Variants in PDGFC observed in about 807,000 individuals in gnomAD.
PDGFC encodes platelet-derived growth factor C.
In PDGFC, 12 loss-of-function variants were observed where a neutral mutation model predicts 35.5. The observed-to-expected ratio is 0.34, with a 90% confidence interval of 0.22 to 0.55. PDGFC has a LOEUF of 0.55. Among genes scored for constraint, PDGFC ranks in the 20% least tolerant of loss-of-function variants. The pLI, the probability that PDGFC is intolerant of heterozygous loss-of-function variation, is 0.91. For missense variants in PDGFC, 322 were observed against 412.4 expected, an observed-to-expected ratio of 0.78 and a Z score of 1.90; for synonymous variants, 159 against 148.8, an observed-to-expected ratio of 1.07 and a Z score of -0.50.
At chr4:156,914,327 C>A (rs1052044264) in intron 1 of PDGFC, among the ~76,000 whole-genome samples, 2 of 152,128 alleles carry the variant, frequency 1.3e-5, no homozygotes, top group African/African-American at 4.8e-5. Flanking sequence ...TATCCCTACC[C>A]CTTCCATCCC....
At chr4:156,929,653 T>C (rs1731504540) in intron 1 of PDGFC, among the ~76,000 whole-genome samples, 2 of 152,358 alleles carry the variant, frequency 1.3e-5, no homozygotes, top group South Asian at 4.1e-4. Flanking sequence ...GTGAATGATT[T>C]ACTGTTCAGT....
At chr4:156,858,194 A>G (rs1729628796) in intron 1 of PDGFC, among the ~76,000 whole-genome samples, 1 of 151,974 alleles carries the variant, frequency 6.6e-6, no homozygotes, top group South Asian at 2.1e-4. Context: ...GATCTATAAA[A>G]TTTTTCTGGC....
At chr4:156,968,521 T>A (rs1188783796) in intron 1 of PDGFC, among the ~76,000 whole-genome samples, 2 of 152,032 alleles carry the variant, frequency 1.3e-5, no homozygotes, top group African/African-American at 4.8e-5. Context: ...GAAGAAGAAG[T>A]AGAAGTAGTA....
chr4:156,879,500 C>T (rs933944652), intron 1 of PDGFC, among the ~76,000 whole-genome samples: 1 of 152,074 alleles, frequency 6.6e-6, no homozygotes, highest in Non-Finnish European at 1.5e-5. Context: ...CAAAAATAAA[C>T]TCTCCAGGGA....
At chr4:156,895,633 G>GA (rs77576325) in intron 1 of PDGFC, among the ~76,000 whole-genome samples, 376 of 115,720 alleles carry the variant, frequency 3.2e-3, no homozygotes, top group Admixed American at 3.7e-3. Context: ...CTCTGTCTCA[G>GA]AAAAAAAAAA....
intron 3 of PDGFC, among the ~76,000 whole-genome samples, chr4:156,792,903 C>T (rs79382413): frequency 0.012 from 1,838 of 152,202 alleles, 20 homozygotes; most frequent in Non-Finnish European, 0.016. Context: ...CCTTCACCTC[C>T]GCATATTGCC....
chr4:156,927,707 ATTCAATG>A (rs1731447755), intron 1 of PDGFC, among the ~76,000 whole-genome samples: 2 of 152,134 alleles, frequency 1.3e-5, no homozygotes, highest in African/African-American at 4.8e-5. Flanking sequence ...TGGCCAAACC[ATTCAATG>A]AGTCTCTAGG....
At chr4:156,766,392 A>G (rs1354924682) in intron 5 of PDGFC, among the ~76,000 whole-genome samples, 2 of 152,144 alleles carry the variant, frequency 1.3e-5, no homozygotes, top group Non-Finnish European at 2.9e-5. Flanking sequence ...CCAGTGATTG[A>G]CACAAAAAGT....
chr4:156,951,933 T>C (rs1270427039), intron 1 of PDGFC, among the ~76,000 whole-genome samples: 1 of 151,756 alleles, frequency 6.6e-6, no homozygotes, highest in Non-Finnish European at 1.5e-5. Context: ...AAAAAGAGTA[T>C]TCTTCTTCCA....
intron 2 of PDGFC, among the ~76,000 whole-genome samples, chr4:156,826,972 G>A (rs957716355): frequency 6.6e-6 from 1 of 152,008 alleles, no homozygotes; most frequent in Non-Finnish European, 1.5e-5. Flanking sequence ...CCAAATATGA[G>A]CATTTTTGAA....
At chr4:156,953,758 C>T (rs1044115960) in intron 1 of PDGFC, among the ~76,000 whole-genome samples, 3 of 151,992 alleles carry the variant, frequency 2.0e-5, no homozygotes, top group East Asian at 1.9e-4. Flanking sequence ...ACGTAAGATA[C>T]GAACATTGAG....
At chr4:156,931,779 T>C (rs1240587688) in intron 1 of PDGFC, among the ~76,000 whole-genome samples, 1 of 152,192 alleles carries the variant, frequency 6.6e-6, no homozygotes, top group East Asian at 1.9e-4. Flanking sequence ...GGAACATATC[T>C]TTGCATGGAT....
intron 5 of PDGFC, among the ~76,000 whole-genome samples, chr4:156,764,180 A>G (rs1205584502): frequency 1.3e-5 from 2 of 152,230 alleles, no homozygotes; most frequent in Non-Finnish European, 2.9e-5. Context: ...AGCCATTTCT[A>G]AAAGCTACCA....
intron 1 of PDGFC, among the ~76,000 whole-genome samples, chr4:156,950,010 A>G (rs532479180): frequency 6.6e-6 from 1 of 151,830 alleles, no homozygotes; most frequent in Admixed American, 6.6e-5. Context: ...TACCTATGAC[A>G]TTTTTCCTAG....
At chr4:156,835,598 C>G (rs988066987) in intron 2 of PDGFC, among the ~76,000 whole-genome samples, 4 of 152,006 alleles carry the variant, frequency 2.6e-5, no homozygotes, top group African/African-American at 9.7e-5. Flanking sequence ...ACCCAATAAC[C>G]CAATCTCACT....
intron 2 of PDGFC, among the ~76,000 whole-genome samples, chr4:156,819,379 T>A (rs1732185077): frequency 6.6e-6 from 1 of 152,194 alleles, no homozygotes; most frequent in South Asian, 2.1e-4. Flanking sequence ...GCTGACTCCC[T>A]TGTTAGGGGC....
At chr4:156,788,613 G>A (rs904156716) in intron 3 of PDGFC, among the ~76,000 whole-genome samples, 1 of 152,118 alleles carries the variant, frequency 6.6e-6, no homozygotes, top group African/African-American at 2.4e-5. Flanking sequence ...CAAAGAAAGG[G>A]TATTTGGTTC....
intron 2 of PDGFC, among the ~76,000 whole-genome samples, chr4:156,818,507 T>C (rs1184444517): frequency 6.7e-6 from 1 of 148,574 alleles, no homozygotes; most frequent in Non-Finnish European, 1.5e-5. Flanking sequence ...AGTGTCATTC[T>C]TTCTAGCTGT....
At chr4:156,891,306 AAAAAAAAAAAAAAAAAAAAG>A (rs1730502777) in intron 1 of PDGFC, among the ~76,000 whole-genome samples, 1 of 130,390 alleles carries the variant, frequency 7.7e-6, no homozygotes, top group Non-Finnish European at 1.6e-5. Context: ...AAAAAAAAAA[AAAAAAAAAAAAAAAAAAAAG>A]GAAAAATACA....
Sources: gnomAD v4.1 joint callset for allele counts (sites outside exome capture counted in the v4.1 genomes callset) on GRCh38, gnomAD v4.1.1 for gene constraint, MANE v1.5 for transcripts, NCBI Gene and HGNC (gene_info 2026-07-23, HGNC 2026-07-21) for gene names.